The following CCDC192 variants were observed in gnomAD, a reference collection of about 807,000 sequenced individuals.
CCDC192 encodes coiled-coil domain containing 192.
At chr5:127,780,540 T>C (rs941417466) in intron 3 of CCDC192, among the ~76,000 whole-genome samples, 8 of 152,168 alleles carry the variant, frequency 5.3e-5, no homozygotes, top group Admixed American at 2.6e-4. Flanking sequence ...TGATGTTGCA[T>C]TGTGGTTTTG....
intron 5 of CCDC192, among the ~76,000 whole-genome samples, chr5:127,840,873 G>A (rs1019724594): frequency 6.6e-6 from 1 of 152,172 alleles, no homozygotes; most frequent in Non-Finnish European, 1.5e-5. Flanking sequence ...TATTTACCAT[G>A]TGGGTTTTTA....
At chr5:127,858,962 A>T (rs1364481505) in intron 5 of CCDC192, among the ~76,000 whole-genome samples, 1 of 152,208 alleles carries the variant, frequency 6.6e-6, no homozygotes, top group East Asian at 1.9e-4. Context: ...TCACATAAAA[A>T]TTGTGTTGAG....
At chr5:127,729,531 C>G (rs1752521459) in intron 2 of CCDC192, among the ~76,000 whole-genome samples, 1 of 152,198 alleles carries the variant, frequency 6.6e-6, no homozygotes, top group African/African-American at 2.4e-5. Context: ...TGATATGTAT[C>G]TGCAGAACTC....
chr5:127,860,004 G>C (rs531780422), intron 5 of CCDC192, among the ~76,000 whole-genome samples: 5 of 151,896 alleles, frequency 3.3e-5, no homozygotes, highest in Non-Finnish European at 7.4e-5. Flanking sequence ...CTTCCTCCTT[G>C]TACCCCTTTC....
intron 6 of CCDC192, among the ~76,000 whole-genome samples, chr5:127,934,441 T>G (rs1328386257): frequency 6.6e-6 from 1 of 152,216 alleles, no homozygotes; most frequent in Non-Finnish European, 1.5e-5. Context: ...ATGCTGCTTG[T>G]TTTTTCCAAA....
chr5:127,814,849 C>CTG (rs980695129), intron 5 of CCDC192, among the ~76,000 whole-genome samples: 22 of 152,206 alleles, frequency 1.4e-4, no homozygotes, highest in African/African-American at 5.3e-4. Flanking sequence ...TCCTACGTAC[C>CTG]TGTGTTGTCT....
intron 6 of CCDC192, among the ~76,000 whole-genome samples, chr5:127,923,202 T>C (rs556195668): frequency 1.3e-5 from 2 of 152,312 alleles, no homozygotes; most frequent in South Asian, 4.1e-4. Flanking sequence ...TGATACACTA[T>C]TATTGAAATT....
intron 5 of CCDC192, among the ~76,000 whole-genome samples, chr5:127,873,469 C>A (rs73785705): frequency 3.3e-5 from 5 of 152,118 alleles, no homozygotes; most frequent in Admixed American, 3.3e-4. Flanking sequence ...CGGTTTAACA[C>A]GTATCTATTG....
chr5:127,742,125 A>G (rs1753453791), intron 2 of CCDC192, among the ~76,000 whole-genome samples: 1 of 152,204 alleles, frequency 6.6e-6, no homozygotes, highest in African/African-American at 2.4e-5. Flanking sequence ...CCTGGCAAAT[A>G]GTGAGCCTTC....
intron 3 of CCDC192, among the ~76,000 whole-genome samples, chr5:127,756,108 G>A (rs550252149): frequency 2.0e-5 from 3 of 151,858 alleles, no homozygotes; most frequent in Non-Finnish European, 4.4e-5. Context: ...ACTCCAGCCT[G>A]GGCGACAGAG....
intron 5 of CCDC192, among the ~76,000 whole-genome samples, chr5:127,872,474 C>T (rs1751904002): frequency 6.6e-6 from 1 of 152,088 alleles, no homozygotes. Flanking sequence ...GTGCTGTGCC[C>T]CTCGGGGAGC....
intron 3 of CCDC192, among the ~76,000 whole-genome samples, chr5:127,778,787 A>G (rs1756018220): frequency 6.6e-6 from 1 of 151,368 alleles, no homozygotes; most frequent in South Asian, 2.1e-4. Context: ...AATGGATTCA[A>G]TCTCTTTAAT....
Position 127,780,555 on chromosome 5 carries a change from G to T in CCDC192, c.223-16548G>T, listed in dbSNP as rs558582994. Among the ~76,000 whole-genome samples, 26 of 152,162 alleles carry T rather than the reference G, an allele frequency of 1.7e-4. No homozygotes were observed. In the South Asian group the frequency reaches 5.0e-3, roughly 29 times the overall value. ...TGATGTTGCATTGTGGTTTTGATTT[G>T]CATTTTCCTGATCATTAGTGATGTT... On this transcript the variant is annotated intron_variant, in intron 3 of 6. Transcript: ENST00000514853.
chr5:127,704,874 T>C (rs1750874147), intron 1 of CCDC192, among the ~76,000 whole-genome samples: 1 of 151,054 alleles, frequency 6.6e-6, no homozygotes. Context: ...AATAAATAAA[T>C]AAATAAATAA....
intron 2 of CCDC192, among the ~76,000 whole-genome samples, chr5:127,722,737 C>A (rs1752098211): frequency 6.6e-6 from 1 of 152,094 alleles, no homozygotes; most frequent in African/African-American, 2.4e-5. Context: ...AATGTATGTT[C>A]TTGGTAACTT....
intron 2 of CCDC192, among the ~76,000 whole-genome samples, chr5:127,752,256 G>T (rs1364578643): frequency 1.3e-5 from 2 of 152,204 alleles, no homozygotes; most frequent in South Asian, 2.1e-4. Flanking sequence ...ATCTACTTTT[G>T]GTCTTTGATG....
At chr5:127,726,728 G>C (rs561815742) in intron 2 of CCDC192, among the ~76,000 whole-genome samples, 42 of 152,304 alleles carry the variant, frequency 2.8e-4, no homozygotes, top group Non-Finnish European at 4.9e-4. Context: ...GGGAATTTCA[G>C]CCATTCTGGC....
chr5:127,893,885 T>G (rs1752798142), intron 6 of CCDC192, among the ~76,000 whole-genome samples: 1 of 152,114 alleles, frequency 6.6e-6, no homozygotes. Flanking sequence ...ACAGACCTCC[T>G]GTATCTAAAA....
At chr5:127,732,110 G>A (rs540531110) in intron 2 of CCDC192, among the ~76,000 whole-genome samples, 1 of 151,850 alleles carries the variant, frequency 6.6e-6, no homozygotes, top group Admixed American at 6.6e-5. Context: ...TCTGACAAAG[G>A]TCTAATATCC....
Sources: allele counts gnomAD v4.1 joint callset (sites outside exome capture counted in the v4.1 genomes callset), GRCh38; gene constraint gnomAD v4.1.1; transcripts MANE v1.5; gene names NCBI Gene and HGNC (gene_info 2026-07-23, HGNC 2026-07-21).